The following CELF2 variants were observed in gnomAD, a reference collection of about 807,000 sequenced individuals.
The protein encoded by CELF2 is CUG triplet repeat RNA-binding protein 2.
Under a neutral mutation model 62.6 loss-of-function variants are expected in CELF2, and 8 were observed. The ratio of observed to expected loss-of-function variants is 0.13; its 90% CI spans 0.07 to 0.23. The LOEUF (loss-of-function observed/expected upper bound fraction) is 0.23, where lower values mean the gene tolerates loss of function less well. Among genes scored for constraint, CELF2 ranks in the 10% least tolerant of loss-of-function variants. The pLI is 1.00. For missense variants in CELF2, 333 were observed against 671.0 expected, an observed-to-expected ratio of 0.50 and a Z score of 5.56; for synonymous variants, 258 against 250.0, an observed-to-expected ratio of 1.03 and a Z score of -0.30.
At chr10:11,083,987 G>T (rs1045950143) in intron 1 of CELF2, among the ~76,000 whole-genome samples, 2 of 152,132 alleles carry the variant, frequency 1.3e-5, no homozygotes, top group Non-Finnish European at 2.9e-5. Context: ...CAATCCAGGG[G>T]CCCAGACCCC....
At chr10:10,979,806 C>T (rs2051848792) in intron 2 of CELF2, among the ~76,000 whole-genome samples, 1 of 151,522 alleles carries the variant, frequency 6.6e-6, no homozygotes, top group African/African-American at 2.4e-5. Context: ...GCTGGTAAAA[C>T]ATCTGAGATG....
chr10:10,755,332 A>T, the CELF2 span, among the ~76,000 whole-genome samples: 1 of 152,176 alleles, frequency 6.6e-6, no homozygotes, highest in East Asian at 1.9e-4. Context: ...TTACAATTCT[A>T]ATCATATTGT....
At chr10:11,127,172 G>T (rs1040480379) in intron 1 of CELF2, among the ~76,000 whole-genome samples, 2 of 152,090 alleles carry the variant, frequency 1.3e-5, no homozygotes, top group Admixed American at 6.6e-5. Context: ...ATGATAGTTT[G>T]CTCAGAATGA....
chr10:10,892,770 G>A lies in CELF2; in HGVS notation c.54-27194G>A, dbSNP rs139178049. Among the ~76,000 whole-genome samples the A allele has an allele frequency of 1.7e-3, 265 of 152,278 alleles. 1 individual carries two copies. Among genetic ancestry groups the A allele is most frequent in the Non-Finnish European group, 3.1e-3 (208 of 68,020 alleles). On this transcript the variant is annotated intron_variant, in intron 1 of 13. Coordinates refer to the CELF2 transcript ENST00000636488. ...GGAAAACTGCCAGCCTTGCTCCTACGTTTTGTAAATCTACCATGGAGGAAG... is the reference window on the plus strand; with the variant it reads ...GGAAAACTGCCAGCCTTGCTCCTACATTTTGTAAATCTACCATGGAGGAAG...
At chr10:10,691,527 TG>T in the CELF2 span, among the ~76,000 whole-genome samples, 1 of 151,956 alleles carries the variant, frequency 6.6e-6, no homozygotes, top group Non-Finnish European at 1.5e-5. Context: ...TACCCAGTAA[TG>T]GGATGGGCTG....
intron 1 of CELF2, among the ~76,000 whole-genome samples, chr10:10,889,957 A>G (rs1371768439): frequency 6.6e-6 from 1 of 152,188 alleles, no homozygotes; most frequent in East Asian, 1.9e-4. Context: ...AGAGTCCTAT[A>G]CTGATGTGGA....
the CELF2 span, among the ~76,000 whole-genome samples, chr10:10,515,552 A>G: frequency 6.6e-6 from 1 of 152,338 alleles, no homozygotes; most frequent in South Asian, 2.1e-4. Context: ...ATTTGAACTC[A>G]AAAGAATCCT....
chr10:11,159,389 T>C lies in CELF2; in HGVS notation c.75-6097T>C, dbSNP rs1403168086. ...GGCAGTCATGGAAGACAGACGCGTT[T>C]TTCATGATGACTGTGAAGCAGTGCA... On this transcript the variant is annotated intron_variant, in intron 1 of 12. Transcript: ENST00000633077. The surrounding 1 kb of genome is among the most constrained non-coding windows in gnomAD (Gnocchi z 5.0). 6.6e-6 allele frequency among the ~76,000 whole-genome samples: 1 copy of C among 152,198 alleles called. No individual in the cohort carries two copies. Among genetic ancestry groups the C allele is most frequent in the Non-Finnish European group, 1.5e-5 (1 of 68,038 alleles).
chr10:10,755,969 C>T, the CELF2 span, among the ~76,000 whole-genome samples: 1 of 152,188 alleles, frequency 6.6e-6, no homozygotes, highest in African/African-American at 2.4e-5. Context: ...TCAGTATTAA[C>T]TCATGTTGGT....
At chr10:11,161,938 T>A (rs1017737684) in intron 1 of CELF2, among the ~76,000 whole-genome samples, 2 of 152,224 alleles carry the variant, frequency 1.3e-5, no homozygotes, top group South Asian at 4.1e-4. Flanking sequence ...GAAGTGTCAG[T>A]GCTACAGCCC....
chr10:11,140,870 A>C (rs957830464), intron 1 of CELF2, among the ~76,000 whole-genome samples: 1 of 152,186 alleles, frequency 6.6e-6, no homozygotes, highest in Non-Finnish European at 1.5e-5. Flanking sequence ...TTTAAAAATT[A>C]GCCAGGCATG....
At chr10:11,209,447 A>C (rs2061252327) in intron 2 of CELF2, among the ~76,000 whole-genome samples, 1 of 152,054 alleles carries the variant, frequency 6.6e-6, no homozygotes, top group South Asian at 2.1e-4. Context: ...GTGACCCTCC[A>C]GGATCTCATA....
the CELF2 span, among the ~76,000 whole-genome samples, chr10:10,573,391 G>A: frequency 6.6e-6 from 1 of 152,082 alleles, no homozygotes; most frequent in African/African-American, 2.4e-5. Context: ...TGCTGCAATC[G>A]TTTTGGTGAT....
At chr10:10,746,546 A>G in the CELF2 span, among the ~76,000 whole-genome samples, 1 of 152,230 alleles carries the variant, frequency 6.6e-6, no homozygotes, top group Non-Finnish European at 1.5e-5. Context: ...AAGGAGGCCA[A>G]GCCTGAAAAT....
At chr10:11,131,942 AGTGATATTTTGG>A (rs770125056) in intron 1 of CELF2, among the ~76,000 whole-genome samples, 5 of 152,222 alleles carry the variant, frequency 3.3e-5, no homozygotes, top group African/African-American at 4.8e-5. Flanking sequence ...GCAGTCTTGG[AGTGATATTTTGG>A]GTGGATATTG....
chr10:11,054,557 TG>T (rs2064789432), intron 1 of CELF2, among the ~76,000 whole-genome samples: 1 of 151,936 alleles, frequency 6.6e-6, no homozygotes, highest in Non-Finnish European at 1.5e-5. Context: ...TGTCAATTTA[TG>T]AAGAATTGAC....
Position 11,285,863 on chromosome 10 carries a change from GTGTGTGTGTGTGTGTT to G in CELF2, c.842-2553_842-2538del, listed in dbSNP as rs1439031957. Among the ~76,000 whole-genome samples the G allele has an allele frequency of 0.012, 1,765 of 142,330 alleles. 37 individuals carry two copies. Among genetic ancestry groups the G allele is most frequent in the African/African-American group, 0.048 (1,665 of 34,842 alleles). The allele number at this position is 142,330 out of a possible 152,430, so 93.4% of individuals were successfully genotyped here. ...TGTGTGTGTGTGTGTGTGTGTGTGT[GTGTGTGTGTGTGTGTT>G]TTTACATGGACTTGAAAATGAGTAA... On this transcript the variant is annotated intron_variant, in intron 8 of 12. Transcript: ENST00000633077. This position sits in a 1 kb window ranked among gnomAD's most constrained non-coding sequence, Gnocchi z 4.3.
At chr10:11,326,985 C>G (rs2095772665) in intron 12 of CELF2, among the ~76,000 whole-genome samples, 1 of 152,152 alleles carries the variant, frequency 6.6e-6, no homozygotes, top group South Asian at 2.1e-4. Flanking sequence ...GTTTTGGCTT[C>G]TAAAACTCTA....
intron 2 of CELF2, among the ~76,000 whole-genome samples, chr10:10,969,760 T>G (rs2050560648): frequency 6.6e-6 from 1 of 152,198 alleles, no homozygotes; most frequent in Admixed American, 6.5e-5. Context: ...TGAGCTCTAT[T>G]TCCATACAAG....
Sources: allele counts gnomAD v4.1 joint callset (sites outside exome capture counted in the v4.1 genomes callset), GRCh38; gene constraint gnomAD v4.1.1; non-coding constraint Gnocchi (gnomAD v3.1); transcripts MANE v1.5; gene names NCBI Gene and HGNC (gene_info 2026-07-23, HGNC 2026-07-21).